The following STOM variants were observed in gnomAD, a reference collection of about 807,000 sequenced individuals.
STOM encodes erythrocyte band 7 integral membrane protein.
A neutral mutation model predicts 30.6 loss-of-function variants in STOM; 25 were observed. That is an observed-to-expected ratio of 0.82 (90% CI 0.60 to 1.14). The LOEUF is 1.14. Among genes scored for constraint, STOM ranks in the 50% most tolerant of loss-of-function variants. The probability of loss-of-function intolerance (pLI) is 0.00; values close to 1 mark genes in which losing one functional copy is unlikely to be tolerated. For missense variants in STOM, 292 were observed against 365.2 expected (o/e 0.80, Z 1.63); for synonymous variants, 118 against 130.8 (o/e 0.90, Z 0.67).
rs367752924 is a variant in STOM, at chr9:121,348,178, TCTC to T, written c.526-32_526-30del. 2.9e-4 allele frequency: 470 copies of T among 1,613,808 alleles called. 4 individuals are homozygous for T. In the South Asian group the frequency reaches 4.9e-3, roughly 17 times the overall value. The stretch of plus-strand genomic sequence containing the variant: ...TTAGGAAGAGAGAAGGCAAGCTAAA[TCTC>T]CTCAGCCCAGCCCAGATGCTGACAG... On this transcript the variant is annotated intron_variant, in intron 5 of 6. Transcript: ENST00000286713.
Position 121,356,164 on chromosome 9 carries a change from A to G in STOM, c.62-8T>C, listed in dbSNP as rs759993289. On this transcript the variant is annotated splice_polypyrimidine_tract_variant and splice_region_variant and intron_variant, in intron 1 of 6. Coordinates refer to ENST00000286713, the MANE Select transcript of STOM (RefSeq NM_004099.6). ...GGCCCTTACTGGGGCTGTCTGTTGA[A>G]AACAAAAAATATACAACTCTCACAA... The G allele has an allele frequency of 6.2e-7, 1 of 1,611,610 alleles. No individual in the cohort carries two copies. Among genetic ancestry groups the G allele is most frequent in the Admixed American group, 1.7e-5 (1 of 59,706 alleles).
intron 4 of STOM, among the ~76,000 whole-genome samples, chr9:121,350,415 TTCTC>T (rs1446132371): frequency 6.6e-6 from 1 of 152,240 alleles, no homozygotes; most frequent in African/African-American, 2.4e-5. Flanking sequence ...ACATTTCTAC[TTCTC>T]TCTTAGACTA....
At chr9:121,360,950 G>C (rs191882066) in intron 1 of STOM, among the ~76,000 whole-genome samples, 2 of 152,226 alleles carry the variant, frequency 1.3e-5, no homozygotes, top group Non-Finnish European at 2.9e-5. Context: ...TGGGAAAATG[G>C]CACTTTCATA....
At chr9:121,341,469 C>T in intron 6 of STOM, 61 bp from the exon 7 acceptor site, 1 of 1,605,028 alleles carries the variant, frequency 6.2e-7, no homozygotes, top group Non-Finnish European at 8.5e-7. Flanking sequence ...ACACAGCACT[C>T]TTCAACCGGG....
chr9:121,341,827 T>A (rs2064249623), intron 6 of STOM, among the ~76,000 whole-genome samples: 1 of 152,200 alleles, frequency 6.6e-6, no homozygotes, highest in South Asian at 2.1e-4. Context: ...GATGAAAGAC[T>A]GTGATATGAT....
In STOM at chr9:121,339,889, A is replaced by G. The variant is rs2064230872; in HGVS notation, c.*1313T>C. The G allele has an allele frequency of 8.9e-7, 1 of 1,126,858 alleles. No homozygotes were observed. Among genetic ancestry groups the G allele is most frequent in the Non-Finnish European group, 1.1e-6 (1 of 922,226 alleles). The allele number at this position is 1,126,858 out of a possible 1,614,324, so 69.8% of individuals were successfully genotyped here. A position where few individuals can be genotyped will look rare whatever the true frequency, so the allele number is the denominator to read the frequency against. On this transcript the variant is annotated 3_prime_UTR_variant, in exon 7 of 7. Transcript: ENST00000286713. Reference sequence around the variant, plus strand: ...CAGTATCTGCCCAAGATCATTAGACACTATATAGTCAATATACTGTGAATT... The same window carrying G: ...CAGTATCTGCCCAAGATCATTAGACGCTATATAGTCAATATACTGTGAATT...
At chr9:121,364,817 T>C (rs1423715515) in intron 1 of STOM, among the ~76,000 whole-genome samples, 1 of 152,212 alleles carries the variant, frequency 6.6e-6, no homozygotes, top group African/African-American at 2.4e-5. Context: ...TTTACCCTTT[T>C]AAAACAACAT....
intron 6 of STOM, among the ~76,000 whole-genome samples, chr9:121,344,385 T>C (rs1297472654): frequency 6.6e-6 from 1 of 152,158 alleles, no homozygotes; most frequent in Non-Finnish European, 1.5e-5. Context: ...TGAAAAGATA[T>C]CTCATTTCCC....
intron 6 of STOM, among the ~76,000 whole-genome samples, chr9:121,343,926 G>A (rs971198524): frequency 6.6e-6 from 1 of 152,150 alleles, no homozygotes; most frequent in Admixed American, 6.5e-5. Context: ...TAGAGTGGCC[G>A]GTGCGATTCA....
intron 2 of STOM, 81 bp downstream of exon 2, chr9:121,355,972 A>T (rs1287557855): frequency 1.1e-6 from 1 of 950,460 alleles, no homozygotes; most frequent in Non-Finnish European, 1.6e-6. Flanking sequence ...TTTCTTTCTC[A>T]CATACACACA....
chr9:121,345,567 G>C (rs117499615), intron 6 of STOM, among the ~76,000 whole-genome samples: 2,010 of 152,166 alleles, frequency 0.013, 18 homozygotes, highest in Non-Finnish European at 0.022. Context: ...GTTGTTGCAG[G>C]GTTACTGTAT....
intron 1 of STOM, among the ~76,000 whole-genome samples, chr9:121,357,294 C>G (rs2064401088): frequency 6.6e-6 from 1 of 151,630 alleles, no homozygotes; most frequent in South Asian, 2.1e-4. Flanking sequence ...GCTTTTCCGT[C>G]TGATTACAAA....
In STOM at chr9:121,339,851, A is replaced by G. The variant is rs2064230453; in HGVS notation, c.*1351T>C. 2 of 1,174,960 alleles carry G rather than the reference A, an allele frequency of 1.7e-6. No homozygotes were observed. The highest frequency in any genetic ancestry group is 3.2e-5 in the African/African-American group (2 of 63,096). The allele number at this position is 1,174,960 out of a possible 1,614,324, so 72.8% of individuals were successfully genotyped here. Reference sequence around the variant, plus strand: ...TAAAAAGACCTACATCTATATAGATATTGTAAGTTTGACAGTATCTGCCCA... The same window carrying G: ...TAAAAAGACCTACATCTATATAGATGTTGTAAGTTTGACAGTATCTGCCCA... On this transcript the variant is annotated 3_prime_UTR_variant, in exon 7 of 7. Coordinates refer to ENST00000286713, the MANE Select transcript of STOM (RefSeq NM_004099.6).
intron 1 of STOM, chr9:121,369,881 C>T: frequency 2.1e-6 from 1 of 481,722 alleles, no homozygotes; most frequent in South Asian, 3.5e-5. Flanking sequence ...ATCTGGCGGC[C>T]GCGAGATAAC....
intron 1 of STOM, among the ~76,000 whole-genome samples, chr9:121,357,127 T>C (rs1338148726): frequency 6.6e-6 from 1 of 152,140 alleles, no homozygotes; most frequent in African/African-American, 2.4e-5. Flanking sequence ...ACCTGTAAAA[T>C]ATTTCACTAG....
chr9:121,359,931 A>G (rs2064434130), intron 1 of STOM, among the ~76,000 whole-genome samples: 1 of 152,194 alleles, frequency 6.6e-6, no homozygotes, highest in African/African-American at 2.4e-5. Flanking sequence ...TTTATAGCAA[A>G]AGATAGTTTC....
At chr9:121,344,805 G>A (rs1016575575) in intron 6 of STOM, among the ~76,000 whole-genome samples, 2 of 152,156 alleles carry the variant, frequency 1.3e-5, no homozygotes, top group Non-Finnish European at 2.9e-5. Context: ...CCAGAAACAT[G>A]AGCCCAAAAG....
At chr9:121,355,883 A>G (rs1241910621) in intron 2 of STOM, among the ~76,000 whole-genome samples, 170 bp downstream of exon 2, 1 of 152,206 alleles carries the variant, frequency 6.6e-6, no homozygotes, top group African/African-American at 2.4e-5. Context: ...TTAAGGTTCC[A>G]TTTTAATAGG....
chr9:121,353,702 C>T (rs528217071), intron 3 of STOM, among the ~76,000 whole-genome samples: 1 of 152,322 alleles, frequency 6.6e-6, no homozygotes, highest in African/African-American at 2.4e-5. Flanking sequence ...TTGTTCCCCT[C>T]TTCAGCCACT....
Sources: allele counts gnomAD v4.1 joint callset (sites outside exome capture counted in the v4.1 genomes callset), GRCh38; gene constraint gnomAD v4.1.1; transcripts MANE v1.5; gene names NCBI Gene and HGNC (gene_info 2026-07-23, HGNC 2026-07-21).